CBARP: variants seen among roughly 807,000 people sequenced by gnomAD.
The protein encoded by CBARP is CACN subunit beta associated regulatory protein, also known as voltage-dependent calcium channel beta subunit-associated regulatory protein.
CBARP carries 24 observed loss-of-function variants against 36.3 expected under a neutral mutation model. That is an observed-to-expected ratio of 0.66 (90% CI 0.48 to 0.93). The LOEUF (loss-of-function observed/expected upper bound fraction) is 0.93. Ranked by LOEUF, CBARP falls within the 40% of genes least tolerant of loss-of-function variation. The pLI is 0.00. For synonymous variants in CBARP, 586 were observed against 453.2 expected (o/e 1.29, Z -3.72); for missense variants, 1,146 against 980.4 (o/e 1.17, Z -2.26).
At chr19:1,237,292 C>T (rs1169709072) in intron 1 of CBARP, among the ~76,000 whole-genome samples, 1 of 152,086 alleles carries the variant, frequency 6.6e-6, no homozygotes, top group Non-Finnish European at 1.5e-5. Flanking sequence ...GAAGGGGCCG[C>T]ATATGTAGGT....
At position 1,230,002 on chromosome 19, in the gene CBARP, G is replaced by A. The variant is rs769681355; in HGVS notation, c.1295C>T (p.Thr432Ile). ...ERDAGPEQAQ[T>I]SYRDLWSLRA... ...CAGGCTCCACAGGTCGCGGTAGCTGGTCTGGGCCTGCTCGGGGCCCGCGTC... is the reference window on the plus strand; with the variant it reads ...CAGGCTCCACAGGTCGCGGTAGCTGATCTGGGCCTGCTCGGGGCCCGCGTC... Residue 432 changes from threonine (T) to isoleucine (I), a missense_variant, in exon 10 of 10, where the codon ACC becomes ATC. Thr to Ile is a moderately conservative substitution (Grantham distance 89). Transcript: ENST00000650044. 6.5e-6 allele frequency: 8 copies of A among 1,236,344 alleles called. No individual in the cohort carries two copies. Among genetic ancestry groups the A allele is most frequent in the Non-Finnish European group, 8.3e-6 (8 of 967,088 alleles). 76.6% of individuals were successfully genotyped at this position (1,236,344 alleles called of 1,614,324 possible).
chr19:1,235,549 C>T lies in CBARP; in HGVS notation c.262G>A (p.Glu88Lys), dbSNP rs2145458751. ...QRLNRAMEEA[E>K]KTTTTYLDNG... is the part of the protein sequence containing the mutation. ...TCCAGGTAGGTGGTGGTGGTCTTCT[C>T]CGCTTCCTCCATGGCCCTGGGAGAG... The change falls in exon 4 of 10, where the codon GAG (glutamate) becomes AAG (lysine). Residue 88 changes from glutamate to lysine, a missense_variant. Coordinates refer to ENST00000650044, the MANE Select transcript of CBARP (RefSeq NM_001393918.1). 1.2e-6 allele frequency: 2 copies of T among 1,607,266 alleles called. No homozygotes were observed. The highest frequency in any genetic ancestry group is 2.2e-5 in the East Asian group (1 of 44,650).
intron 8 of CBARP, among the ~76,000 whole-genome samples, chr19:1,232,427 CT>C (rs1168666903): frequency 6.6e-5 from 10 of 152,176 alleles, no homozygotes; most frequent in African/African-American, 2.2e-4. Flanking sequence ...CACTTGTCCC[CT>C]ATCCTGGCCT....
At position 1,229,193 on chromosome 19, in the gene CBARP, G is replaced by T; in HGVS notation, c.2104C>A (p.His702Asn). ...GGACGCGGGACTTAGGCCGGGCTGT[G>T]GTCGGGGGACGTGGGGGCGGCGGCG... The part of the protein sequence containing the change: ...LVAAAPTSPD[H>N]SPA Residue 702 changes from histidine to asparagine, a missense_variant, in exon 10 of 10, where the codon CAC becomes AAC. His to Asn is a moderately conservative substitution (Grantham distance 68). Coordinates refer to ENST00000650044, the MANE Select transcript of CBARP (RefSeq NM_001393918.1). This position sits in a 1 kb window ranked among gnomAD's most constrained non-coding sequence, Gnocchi z 5.1. 8.4e-7 allele frequency: 1 copy of T among 1,183,860 alleles called. No individual in the cohort carries two copies. Among genetic ancestry groups the T allele is most frequent in the Non-Finnish European group, 1.1e-6 (1 of 935,004 alleles). The allele number at this position is 1,183,860 out of a possible 1,614,324, so 73.3% of individuals were successfully genotyped here. A position where few individuals can be genotyped will look rare whatever the true frequency, so the allele number is the denominator to read the frequency against.
rs1188730671 is a variant in CBARP at position 1,234,322 on chromosome 19, T to TC, written c.636dup (p.Lys213GlufsTer17). On this transcript the variant is annotated frameshift_variant, in exon 7 of 10. Coordinates refer to ENST00000650044, the MANE Select transcript of CBARP (RefSeq NM_001393918.1). LOFTEE classifies it high-confidence loss of function. The stretch of plus-strand genomic sequence containing the variant: ...CCCACAGAGCGGCCGGTGAGGGCCT[T>TC]CCCCGGGGGCTGTGGGACAGAGCCA... The TC allele has an allele frequency of 1.4e-6, 2 of 1,442,520 alleles. No individual in the cohort carries two copies. Among genetic ancestry groups the TC allele is most frequent in the African/African-American group, 1.4e-5 (1 of 69,504 alleles). 89.4% of individuals were successfully genotyped at this position (1,442,520 alleles called of 1,614,324 possible).
intron 1 of CBARP, among the ~76,000 whole-genome samples, chr19:1,237,052 A>AG (rs1282985644): frequency 1.3e-5 from 2 of 151,948 alleles, no homozygotes; most frequent in African/African-American, 4.8e-5. Flanking sequence ...CGGGAATCGC[A>AG]GGGGGTCGGG....
intron 6 of CBARP, 26 bp downstream of exon 6, chr19:1,234,517 CCCGGGGCTGCCTCCCGTCCCCCGAGGAA>C (rs1285327808): frequency 6.5e-6 from 10 of 1,534,888 alleles, no homozygotes; most frequent in African/African-American, 2.7e-5. Flanking sequence ...TCCGGGAGTC[CCCGGGGCTGCCTCCCGTCCCCCGAGGAA>C]CCGGGGCTGC....
intron 1 of CBARP, 104 bp from the exon 2 acceptor site, chr19:1,236,225 G>GGGCAGTGACTCATGGAGAGGT: frequency 1.5e-6 from 2 of 1,335,344 alleles, no homozygotes; most frequent in African/African-American, 3.0e-5. Flanking sequence ...CCCACACAGG[G>GGGCAGTGACTCATGGAGAGGT]GGCAGTGACT....
intron 8 of CBARP, among the ~76,000 whole-genome samples, chr19:1,231,722 G>A (rs1406800669): frequency 6.6e-6 from 1 of 151,744 alleles, no homozygotes; most frequent in Non-Finnish European, 1.5e-5. Flanking sequence ...GCTTGGGCCA[G>A]ACCCTGGCTG....
chr19:1,235,837 ACAC>A lies in CBARP; in HGVS notation c.184_186del (p.Val62del). 1 of 1,611,358 alleles carries A rather than the reference ACAC, an allele frequency of 6.2e-7. No individual in the cohort carries two copies. The highest frequency in any genetic ancestry group is 1.1e-5 in the South Asian group (1 of 91,086). Reference sequence around the variant, plus strand: ...TTGCAGAGGAGCAGGACGCCAGACAACACCACCAGCGTGCCCCCCACGAACAGC... The same window carrying A: ...TTGCAGAGGAGCAGGACGCCAGACAACACCAGCGTGCCCCCCACGAACAGC... On this transcript the variant is annotated inframe_deletion, in exon 3 of 10. Transcript: ENST00000650044.
chr19:1,234,489 T>C, intron 6 of CBARP, 82 bp downstream of exon 6: 4 of 1,400,626 alleles, frequency 2.9e-6, no homozygotes, highest in South Asian at 1.6e-5. Context: ...AGAAAAAGAG[T>C]GGGTGAGGGC....
In CBARP at chr19:1,234,631, G is replaced by A; in HGVS notation, c.567C>T (p.Ala189=). ...CCGGGTGGGGCGTGGTGGCTGAGCT[G>A]GCCTCGCCTGAGTCACACTCGTGGA... ...VTIHECDSGE[A]SSATTPHPAT... is the part of the protein sequence containing the mutation. The change falls in exon 6 of 10, where the codon GCC becomes GCT. Residue 189 remains alanine, a synonymous_variant. Transcript: ENST00000650044. 6.2e-7 allele frequency: 1 copy of A among 1,610,450 alleles called. No homozygotes were observed. Among genetic ancestry groups the A allele is most frequent in the Non-Finnish European group, 8.5e-7 (1 of 1,178,904 alleles).
chr19:1,230,892 C>T, intron 9 of CBARP: 3 of 1,557,042 alleles, frequency 1.9e-6, no homozygotes, highest in Non-Finnish European at 8.7e-7. Context: ...CCGCCCTACC[C>T]TTACCCAGTC....
chr19:1,235,794 T>C lies in CBARP; in HGVS notation c.230A>G (p.His77Arg). 6.2e-7 allele frequency: 1 copy of C among 1,608,264 alleles called. No individual in the cohort carries two copies. The highest frequency in any genetic ancestry group is 8.5e-7 in the Non-Finnish European group (1 of 1,179,894). ...LLLCKRCWDV[H>R]QRLNRAMEEA... ...GGCCTCGCACCTGTTGAGGCGCTGGTGGACGTCCCAGCAGCGCTTGCAGAG... is the reference window on the plus strand; with the variant it reads ...GGCCTCGCACCTGTTGAGGCGCTGGCGGACGTCCCAGCAGCGCTTGCAGAG... The change falls in exon 3 of 10, where the codon CAC becomes CGC. Residue 77 changes from histidine (H) to arginine (R), a missense_variant. By Grantham distance (29) the His-to-Arg change is conservative (BLOSUM62 0). Transcript: ENST00000650044.
rs373980062 is a variant in CBARP, at chr19:1,235,042, C to T, written c.414G>A (p.Ala138=). The change falls in exon 5 of 10, where the codon GCG becomes GCA. Residue 138 remains alanine (A), a synonymous_variant. Transcript: ENST00000650044. ...GCGTCTTGCGGCTCTGCTCAAACAG[C>T]GCCGCCTCATTGAAGGAGACCCGGC... ...TGRRVSFNEA[A]LFEQSRKTQD... The T allele has an allele frequency of 9.1e-5, 146 of 1,611,130 alleles. No homozygotes were observed. Among genetic ancestry groups the T allele is most frequent in the East Asian group, 2.0e-4 (9 of 44,864 alleles).
intron 6 of CBARP, 54 bp downstream of exon 6, chr19:1,234,517 C>CCCGGGGCTGCCTCCCGTCCCCCGAGGAA (rs1285327808): frequency 1.3e-6 from 2 of 1,534,888 alleles, no homozygotes; most frequent in Non-Finnish European, 1.8e-6. Context: ...TCCGGGAGTC[C>CCCGGGGCTGCCTCCCGTCCCCCGAGGAA]CCGGGGCTGC....
chr19:1,232,558 A>C (rs994699499), intron 8 of CBARP, among the ~76,000 whole-genome samples: 2 of 152,042 alleles, frequency 1.3e-5, no homozygotes, highest in Admixed American at 1.3e-4. Context: ...AGTGCTACAG[A>C]TGGGACACCT....
intron 8 of CBARP, 82 bp from the exon 9 acceptor site, chr19:1,231,357 C>T (rs937585240): frequency 5.8e-5 from 77 of 1,337,852 alleles, no homozygotes; most frequent in Middle Eastern, 2.6e-4. Context: ...TATGCCCCCC[C>T]GCCACACACA....
At chr19:1,234,087 G>C in intron 7 of CBARP, 104 bp downstream of exon 7, 1 of 1,328,312 alleles carries the variant, frequency 7.5e-7, no homozygotes, top group Middle Eastern at 2.1e-4. Context: ...GAGGGCTGCG[G>C]TGGCTGGCAG....
Sources: gnomAD v4.1 joint callset for allele counts (sites outside exome capture counted in the v4.1 genomes callset) on GRCh38, gnomAD v4.1.1 for gene constraint, Gnocchi (gnomAD v3.1) non-coding constraint, MANE v1.5 for transcripts, NCBI Gene and HGNC (gene_info 2026-07-23, HGNC 2026-07-21) for gene names.